The following NR3C1 variants were observed in gnomAD, a reference collection of about 807,000 sequenced individuals.
NR3C1 encodes the protein glucocorticoid receptor.
A neutral mutation model predicts 74.0 loss-of-function variants in NR3C1; 14 were observed. The ratio of observed to expected loss-of-function variants is 0.19; its 90% CI spans 0.12 to 0.30. NR3C1 has a LOEUF of 0.30. Ranked by LOEUF, NR3C1 falls within the 10% of genes least tolerant of loss-of-function variation. The probability of loss-of-function intolerance (pLI) is 1.00; values close to 1 mark genes in which losing one functional copy is unlikely to be tolerated. For synonymous variants in NR3C1, 308 were observed against 332.5 expected (o/e 0.93, Z 0.80); for missense variants, 695 against 909.8 (o/e 0.76, Z 3.04).
Position 143,279,405 on chromosome 5 carries a change from T to TAACA in NR3C1, c.*2480_*2483dup, listed in dbSNP as rs1427007779. 6.5e-7 allele frequency: 1 copy of TAACA among 1,539,556 alleles called. No individual in the cohort carries two copies. The highest frequency in any genetic ancestry group is 2.1e-5 in the Admixed American group (1 of 47,934). ...GATGTGCTTTCTGGTTTTAACCACA[T>TAACA]AACATTCTATAAAGGAATGATAATC... On this transcript the variant is annotated 3_prime_UTR_variant, in exon 9 of 9. Coordinates refer to ENST00000394464, the MANE Select transcript of NR3C1 (RefSeq NM_000176.3).
intron 2 of NR3C1, among the ~76,000 whole-genome samples, chr5:143,325,825 T>A (rs781224529): frequency 6.6e-6 from 1 of 152,110 alleles, no homozygotes; most frequent in African/African-American, 2.4e-5. Context: ...AATGAAAACA[T>A]TGGTAACCTT....
intron 2 of NR3C1, among the ~76,000 whole-genome samples, chr5:143,318,172 A>G (rs1331093881): frequency 6.6e-6 from 1 of 152,112 alleles, no homozygotes; most frequent in African/African-American, 2.4e-5. Flanking sequence ...TCCTTTCTGG[A>G]GGATCTTAGG....
intron 2 of NR3C1, among the ~76,000 whole-genome samples, chr5:143,334,859 A>G (rs1826782900): frequency 6.6e-6 from 1 of 152,150 alleles, no homozygotes. Context: ...CCCAAAAGGG[A>G]GCAAAAGGGT....
At chr5:143,351,159 CTG>C (rs991496319) in intron 2 of NR3C1, among the ~76,000 whole-genome samples, 18 of 152,162 alleles carry the variant, frequency 1.2e-4, no homozygotes, top group African/African-American at 4.3e-4. Context: ...TCTTCGAGAA[CTG>C]TCTCCCCAAA....
At chr5:143,305,123 T>C (rs1023809125) in intron 4 of NR3C1, among the ~76,000 whole-genome samples, 1 of 152,182 alleles carries the variant, frequency 6.6e-6, no homozygotes, top group Admixed American at 6.5e-5. Flanking sequence ...TTGCAAACTA[T>C]GCATCTGACA....
At chr5:143,404,116 C>T, upstream of NR3C1, 1 of 985,400 alleles carries the variant, frequency 1.0e-6, no homozygotes, top group Non-Finnish European at 1.2e-6. Context: ...CCCTTGGCGG[C>T]AAGCGCCGCC....
At chr5:143,345,878 A>G (rs964530601) in intron 2 of NR3C1, among the ~76,000 whole-genome samples, 2 of 152,196 alleles carry the variant, frequency 1.3e-5, no homozygotes, top group Middle Eastern at 3.2e-3. Context: ...ATGCCACAGG[A>G]ACTTAACTCT....
chr5:143,388,806 T>C (rs531458744), intron 2 of NR3C1, among the ~76,000 whole-genome samples: 2 of 152,282 alleles, frequency 1.3e-5, no homozygotes, highest in Non-Finnish European at 2.9e-5. Flanking sequence ...AAGAAAAAAA[T>C]ATCTTGCAAC....
At chr5:143,377,232 T>A (rs766982632) in intron 2 of NR3C1, among the ~76,000 whole-genome samples, 2 of 152,214 alleles carry the variant, frequency 1.3e-5, no homozygotes, top group Non-Finnish European at 2.9e-5. Flanking sequence ...GAGGGCACTG[T>A]ATTCCTTGAT....
At position 143,389,386 on chromosome 5, in the gene NR3C1, G is replaced by A. The variant is rs970773159; in HGVS notation, c.1184+10270C>T. On this transcript the variant is annotated intron_variant, in intron 2 of 8. Transcript: ENST00000394464. Reference sequence around the variant, plus strand: ...GTAGTTCTTTAGTTCTTCCACTTACGAACATAATAACGTAGCTAGGTTGCT... The same window carrying A: ...GTAGTTCTTTAGTTCTTCCACTTACAAACATAATAACGTAGCTAGGTTGCT... Among the ~76,000 whole-genome samples, 6 of 152,214 alleles carry A rather than the reference G, an allele frequency of 3.9e-5. No homozygotes were observed. In the East Asian group the frequency reaches 5.8e-4, roughly 15 times the overall value.
chr5:143,294,007 T>TA (rs899436220), intron 7 of NR3C1: 2 of 985,278 alleles, frequency 2.0e-6, no homozygotes, highest in African/African-American at 3.5e-5. Flanking sequence ...CAGGTAACAT[T>TA]AAACGTCTCT....
At chr5:143,326,253 C>CA (rs766215733) in intron 2 of NR3C1, among the ~76,000 whole-genome samples, 28 of 152,290 alleles carry the variant, frequency 1.8e-4, no homozygotes, top group Non-Finnish European at 3.7e-4. Flanking sequence ...TTAAGCTTGA[C>CA]AGAGTTTTTT....
chr5:143,404,118 A>G (rs576089902), upstream of NR3C1: 2 of 985,250 alleles, frequency 2.0e-6, no homozygotes, highest in Non-Finnish European at 2.4e-6. Context: ...CTTGGCGGCA[A>G]GCGCCGCCAG....
At chr5:143,318,502 A>C (rs1297460799) in intron 2 of NR3C1, among the ~76,000 whole-genome samples, 1 of 152,196 alleles carries the variant, frequency 6.6e-6, no homozygotes, top group African/African-American at 2.4e-5. Flanking sequence ...ATGTTGACAT[A>C]GTTCATTATG....
At chr5:143,409,561 G>C (rs746970978) in intron 1 of NR3C1, among the ~76,000 whole-genome samples, 4 of 152,138 alleles carry the variant, frequency 2.6e-5, no homozygotes, top group Non-Finnish European at 5.9e-5. Context: ...AGCTATCATA[G>C]CTATTATTTG....
chr5:143,407,173 A>G (rs1841141484), upstream of NR3C1: 1 of 152,354 alleles, frequency 6.6e-6, no homozygotes, highest in East Asian at 1.9e-4. Flanking sequence ...TCATAGCTTT[A>G]TGTCCCACTC....
At chr5:143,292,380 T>C (rs1816136102) in intron 7 of NR3C1, among the ~76,000 whole-genome samples, 1 of 152,112 alleles carries the variant, frequency 6.6e-6, no homozygotes, top group Non-Finnish European at 1.5e-5. Context: ...TCTGAATCCC[T>C]GGGCTGTGAC....
At chr5:143,371,456 T>C (rs1600348941) in intron 2 of NR3C1, among the ~76,000 whole-genome samples, 1 of 152,376 alleles carries the variant, frequency 6.6e-6, no homozygotes, top group Non-Finnish European at 1.5e-5. Context: ...CTCCTGGCTT[T>C]TTCTTTCCAG....
chr5:143,384,705 A>C (rs1216293526), intron 2 of NR3C1, among the ~76,000 whole-genome samples: 4 of 152,254 alleles, frequency 2.6e-5, no homozygotes, highest in African/African-American at 9.6e-5. Flanking sequence ...GGCCTTGGAC[A>C]GCTCTGCCCT....
Sources: allele counts gnomAD v4.1 joint callset (sites outside exome capture counted in the v4.1 genomes callset), GRCh38; gene constraint gnomAD v4.1.1; transcripts MANE v1.5; gene names NCBI Gene and HGNC (gene_info 2026-07-23, HGNC 2026-07-21).